The following DAPK1 variants were observed in gnomAD, a reference collection of about 807,000 sequenced individuals.
The protein encoded by DAPK1 is death associated protein kinase 1, also known as death-associated protein kinase 1.
In DAPK1, 56 loss-of-function variants were observed where a neutral mutation model predicts 144.9. The ratio of observed to expected loss-of-function variants is 0.39; its 90% confidence interval spans 0.31 to 0.48. The LOEUF (loss-of-function observed/expected upper bound fraction) is 0.48, where lower values mean the gene tolerates loss of function less well. DAPK1 is among the 20% of genes least tolerant of loss of function. The pLI, the probability that DAPK1 is intolerant of heterozygous loss-of-function variation, is 0.95. For synonymous variants in DAPK1, 690 were observed against 749.0 expected, an observed-to-expected ratio of 0.92 and a Z score of 1.29; for missense variants, 1,454 against 1,875.4, an observed-to-expected ratio of 0.78 and a Z score of 4.15.
chr9:87,705,627 C>T (rs2118116226), intron 25 of DAPK1, among the ~76,000 whole-genome samples: 1 of 152,254 alleles, frequency 6.6e-6, no homozygotes, highest in East Asian at 1.9e-4. Context: ...GACATTTCTT[C>T]CCTAAATAAT....
At chr9:87,601,103 C>T (rs763489626) in intron 2 of DAPK1, among the ~76,000 whole-genome samples, 14 of 152,182 alleles carry the variant, frequency 9.2e-5, no homozygotes, top group Non-Finnish European at 1.5e-4. Context: ...GGGTGGAAAG[C>T]GGGTCCAGGC....
rs917841135 is a variant in DAPK1 at position 87,706,155 on chromosome 9, A to C, written c.3084A>C (p.Thr1028=). ...TGEINIMQSE[T]VQDVLLLDPR... is the part of the protein sequence containing the mutation. The stretch of plus-strand genomic sequence containing the variant: ...AGATCAACATCATGCAAAGTGAAAC[A>C]GTTCAGGACGTGCTGCTCCTGGACC... The change falls in exon 26 of 26, where the codon ACA becomes ACC. Residue 1028 remains threonine, a synonymous_variant. Coordinates refer to ENST00000408954, the MANE Select transcript of DAPK1 (RefSeq NM_004938.4). This position sits in a 1 kb window ranked among gnomAD's most constrained non-coding sequence, Gnocchi z 9.0. 1.3e-5 allele frequency: 20 copies of C among 1,597,884 alleles called. No individual in the cohort carries two copies. The highest frequency in any genetic ancestry group is 1.5e-5 in the Non-Finnish European group (17 of 1,167,556).
rs555216707 is a variant in DAPK1 at position 87,642,365 on chromosome 9, A to G, written c.918+307A>G. Among the ~76,000 whole-genome samples, 7 of 152,326 alleles carry G rather than the reference A, an allele frequency of 4.6e-5. No individual in the cohort carries two copies. The East Asian group carries it at 1.3e-3, about 29-fold the overall frequency. On this transcript the variant is annotated intron_variant, in intron 10 of 25. Transcript: ENST00000408954. Reference sequence around the variant, plus strand: ...ATTTTTTTCTAATACTACAAGCCACATTTTAAATAAATTCATTCTTTGTGG... The same window carrying G: ...ATTTTTTTCTAATACTACAAGCCACGTTTTAAATAAATTCATTCTTTGTGG...
intron 18 of DAPK1, among the ~76,000 whole-genome samples, chr9:87,665,784 A>G (rs1831028700): frequency 6.6e-6 from 1 of 152,184 alleles, no homozygotes; most frequent in African/African-American, 2.4e-5. Flanking sequence ...CCCACAGTCT[A>G]GAATGTAGTG....
At chr9:87,587,178 C>G (rs2118860724) in intron 2 of DAPK1, among the ~76,000 whole-genome samples, 1 of 152,332 alleles carries the variant, frequency 6.6e-6, no homozygotes, top group African/African-American at 2.4e-5. Context: ...GGCAGCTTCC[C>G]TGGCAGGAAA....
intron 21 of DAPK1, among the ~76,000 whole-genome samples, chr9:87,688,089 TC>T (rs1824929448): frequency 9.7e-6 from 1 of 102,908 alleles, no homozygotes; most frequent in Admixed American, 1.1e-4. Flanking sequence ...AAATGATCCC[TC>T]CCTCCCACCC....
At chr9:87,635,773 G>C (rs1368330015) in intron 3 of DAPK1, among the ~76,000 whole-genome samples, 1 of 152,316 alleles carries the variant, frequency 6.6e-6, no homozygotes, top group South Asian at 2.1e-4. Flanking sequence ...CAAGAGAAGG[G>C]GTAACCTTCC....
rs71507734 is a variant in DAPK1, at chr9:87,662,560, G to GTTTTTTTTTTTTTTTTTTTTTTTTTTTTT, written c.1923+4458_1923+4459insTTTTTTTTTTTTTTTTTTTTTTTTTTTTT. Among the ~76,000 whole-genome samples the GTTTTTTTTTTTTTTTTTTTTTTTTTTTTT allele has an allele frequency of 3.1e-4, 10 of 32,136 alleles. 3 individuals carry two copies. Among genetic ancestry groups the GTTTTTTTTTTTTTTTTTTTTTTTTTTTTT allele is most frequent in the East Asian group, 2.8e-3 (3 of 1,082 alleles). The allele number at this position is 32,136 out of a possible 152,430, so 21.1% of individuals were successfully genotyped here. A position where few individuals can be genotyped will look rare whatever the true frequency, so the allele number is the denominator to read the frequency against. On this transcript the variant is annotated intron_variant, in intron 18 of 25. Transcript: ENST00000408954. ...ACCTCCTTGGTTAAATATATTCCTA[G>GTTTTTTTTTTTTTTTTTTTTTTTTTTTTT]TTTTTTTTTTTTTTTTTTTTTTTTT...
At chr9:87,555,689 G>A (rs1826687502) in intron 2 of DAPK1, among the ~76,000 whole-genome samples, 1 of 152,280 alleles carries the variant, frequency 6.6e-6, no homozygotes, top group South Asian at 2.1e-4. Flanking sequence ...TTTTAGTAGA[G>A]ACAGGGTTTC....
At chr9:87,545,594 TG>T (rs1370226420) in intron 2 of DAPK1, among the ~76,000 whole-genome samples, 15 of 152,148 alleles carry the variant, frequency 9.9e-5, no homozygotes, top group African/African-American at 3.6e-4. Flanking sequence ...TCACCCAGGC[TG>T]GAGTGCAATA....
intron 2 of DAPK1, among the ~76,000 whole-genome samples, chr9:87,585,207 A>G (rs904587291): frequency 1.3e-5 from 2 of 151,906 alleles, no homozygotes; most frequent in African/African-American, 4.8e-5. Context: ...CCATTTGTCT[A>G]TTTTTGCTCT....
chr9:87,702,377 T>C (rs1825484502), intron 24 of DAPK1, among the ~76,000 whole-genome samples: 1 of 152,202 alleles, frequency 6.6e-6, no homozygotes, highest in Admixed American at 6.5e-5. Flanking sequence ...ATGGGTCTAA[T>C]TGGAAACAAT....
chr9:87,650,095 G>A lies in DAPK1; in HGVS notation c.1603G>A (p.Ala535Thr), dbSNP rs1416806448. 1 of 1,613,980 alleles carries A rather than the reference G, an allele frequency of 6.2e-7. No individual in the cohort carries two copies. Among genetic ancestry groups the A allele is most frequent in the African/African-American group, 1.3e-5 (1 of 74,900 alleles). ...DIVECLAEHG[A>T]DLNACDKDGH... ...CGTGGAGTGTCTGGCCGAACATGGA[G>A]CCGACCTTAATGCTTGCGACAAGGT... Residue 535 changes from alanine to threonine, a missense_variant, in exon 16 of 26, where the codon GCC (alanine) becomes ACC (threonine). Coordinates refer to ENST00000408954, the MANE Select transcript of DAPK1 (RefSeq NM_004938.4).
In DAPK1 at chr9:87,686,547, G is replaced by C. The variant is rs954168374; in HGVS notation, c.2225-4G>C. Reference sequence around the variant, plus strand: ...GTACTCATGTGATCCTTTCCATCCTGCAGTCTCAGTGAGCATCAACAACCT... The same window carrying C: ...GTACTCATGTGATCCTTTCCATCCTCCAGTCTCAGTGAGCATCAACAACCT... On this transcript the variant is annotated splice_region_variant and splice_polypyrimidine_tract_variant and intron_variant, in intron 20 of 25. Transcript: ENST00000408954. This position sits in a 1 kb window ranked among gnomAD's most constrained non-coding sequence, Gnocchi z 4.2. 3.9e-6 allele frequency: 6 copies of C among 1,523,462 alleles called. No homozygotes were observed. In the African/African-American group the frequency reaches 8.2e-5, roughly 21 times the overall value. The allele number at this position is 1,523,462 out of a possible 1,614,324, so 94.4% of individuals were successfully genotyped here.
intron 3 of DAPK1, chr9:87,633,446 A>G (rs1829783701): frequency 3.2e-6 from 3 of 939,996 alleles, no homozygotes; most frequent in East Asian, 1.2e-4. Flanking sequence ...TAACCTTTCT[A>G]ATGTCTAACT....
intron 14 of DAPK1, among the ~76,000 whole-genome samples, chr9:87,648,180 CTTGTT>C (rs1157543246): frequency 6.6e-6 from 1 of 152,188 alleles, no homozygotes; most frequent in Non-Finnish European, 1.5e-5. Context: ...AACACTATAT[CTTGTT>C]TTGTCTTCTT....
At chr9:87,700,377 G>A (rs1400994285) in intron 24 of DAPK1, 140 bp downstream of exon 24, 2 of 650,432 alleles carry the variant, frequency 3.1e-6, no homozygotes, top group Non-Finnish European at 5.5e-6. Context: ...CCTGGGAAAA[G>A]AAAGGAAGAA....
intron 2 of DAPK1, among the ~76,000 whole-genome samples, chr9:87,597,636 C>T (rs572136562): frequency 1.9e-4 from 29 of 152,208 alleles, no homozygotes; most frequent in African/African-American, 6.5e-4. Flanking sequence ...ATGTTGTCAT[C>T]ATACTTGCAC....
chr9:87,672,589 T>C (rs1370743719), intron 19 of DAPK1, among the ~76,000 whole-genome samples: 1 of 152,190 alleles, frequency 6.6e-6, no homozygotes, highest in Non-Finnish European at 1.5e-5. Flanking sequence ...ATCTTCTAGA[T>C]GCTGTGTTCA....
Sources: allele counts gnomAD v4.1 joint callset (sites outside exome capture counted in the v4.1 genomes callset), GRCh38; gene constraint gnomAD v4.1.1; non-coding constraint Gnocchi (gnomAD v3.1); transcripts MANE v1.5; gene names NCBI Gene and HGNC (gene_info 2026-07-23, HGNC 2026-07-21).